Variants in HEATR3 observed in about 807,000 individuals in gnomAD.
HEATR3 encodes HEAT repeat containing 3.
Under a neutral mutation model 72.8 loss-of-function variants are expected in HEATR3, and 56 were observed. The observed-to-expected ratio is 0.77, with a 90% CI of 0.62 to 0.96. The LOEUF is 0.96. Ranked by LOEUF, HEATR3 falls within the 40% of genes least tolerant of loss-of-function variation. The pLI, the probability that HEATR3 is intolerant of heterozygous loss-of-function variation, is 0.00. For synonymous variants in HEATR3, 331 were observed against 318.1 expected (o/e 1.04, Z -0.43); for missense variants, 747 against 831.4 (o/e 0.90, Z 1.25).
intron 11 of HEATR3, among the ~76,000 whole-genome samples, chr16:50,088,192 T>G (rs1282183582): frequency 6.6e-6 from 1 of 152,204 alleles, no homozygotes; most frequent in Non-Finnish European, 1.5e-5. Context: ...TCCATTCAAG[T>G]GTTGGTCCCC....
chr16:50,089,285 G>T (rs1030352131), intron 11 of HEATR3, among the ~76,000 whole-genome samples: 5 of 152,016 alleles, frequency 3.3e-5, no homozygotes, highest in Non-Finnish European at 7.4e-5. Flanking sequence ...TATCCTGAGG[G>T]TCTTGATGAT....
At chr16:50,104,811 A>G in intron 14 of HEATR3, 128 bp from the exon 15 acceptor site, 1 of 767,258 alleles carries the variant, frequency 1.3e-6, no homozygotes, top group Non-Finnish European at 1.9e-6. Context: ...AAGTAAAAAC[A>G]TTTTTTCCAA....
At chr16:50,100,673 C>T (rs1263199743) in intron 13 of HEATR3, 8 of 349,976 alleles carry the variant, frequency 2.3e-5, no homozygotes, top group African/African-American at 1.7e-4. Flanking sequence ...AAGATGCCTT[C>T]TGCCTTTGCT....
In HEATR3 at chr16:50,097,930, A is replaced by AG. The variant is rs1278560954; in HGVS notation, c.1600-2300_1600-2299insG. Among the ~76,000 whole-genome samples the AG allele has an allele frequency of 6.9e-4, 105 of 152,000 alleles. 1 individual carries two copies. The highest frequency in any genetic ancestry group is 2.4e-3 in the African/African-American group (98 of 41,468). Reference sequence around the variant, plus strand: ...AAGAGTGAAACTCCGTCTCAAAAAAAAAAAAAAAAAACCCTGGAATTAGTT... The same window carrying AG: ...AAGAGTGAAACTCCGTCTCAAAAAAAGAAAAAAAAAAACCCTGGAATTAGTT... On this transcript the variant is annotated intron_variant, in intron 12 of 14. Transcript: ENST00000299192.
intron 6 of HEATR3, among the ~76,000 whole-genome samples, chr16:50,075,968 TTATTTATGAACCAG>T (rs1245433770): frequency 6.6e-6 from 1 of 152,180 alleles, no homozygotes; most frequent in Non-Finnish European, 1.5e-5. Flanking sequence ...GGATCCCCAC[TTATTTATGAACCAG>T]TGATTTCAGA....
Position 50,102,280 on chromosome 16 carries a change from G to A in HEATR3, c.1765G>A (p.Glu589Lys). ...CCAGAACATTGGGTGCTTTCTGCTT[G>A]AAGTTACCACCAAAGATCCTTCCCT... Reference protein sequence around the residue: ...TLKNIGCFLLEVTTKDPSLVV... With the variant: ...TLKNIGCFLLKVTTKDPSLVV... The change falls in exon 14 of 15, where the codon GAA becomes AAA. Residue 589 changes from glutamate (E) to lysine (K), a missense_variant. Glu to Lys is a moderately conservative substitution (Grantham distance 56). Coordinates refer to ENST00000299192, the MANE Select transcript of HEATR3 (RefSeq NM_182922.4). The A allele has an allele frequency of 6.2e-7, 1 of 1,613,254 alleles. No individual in the cohort carries two copies. Among genetic ancestry groups the A allele is most frequent in the East Asian group, 2.2e-5 (1 of 44,876 alleles).
intron 14 of HEATR3, among the ~76,000 whole-genome samples, chr16:50,104,531 C>T (rs150932508): frequency 6.6e-6 from 1 of 152,144 alleles, no homozygotes; most frequent in East Asian, 1.9e-4. Context: ...CCCAGCCTAA[C>T]AAAGGAATTT....
chr16:50,095,297 G>A (rs8045375), intron 12 of HEATR3, among the ~76,000 whole-genome samples: 1 of 151,840 alleles, frequency 6.6e-6, no homozygotes, highest in Non-Finnish European at 1.5e-5. Flanking sequence ...TAGTAGAGAC[G>A]GGGTTTTGCC....
chr16:50,104,898 A>G lies in HEATR3; in HGVS notation c.1921-41A>G. On this transcript the variant is annotated intron_variant, in intron 14 of 14. Transcript: ENST00000299192. ...TACTTTATTTAAATGAATTAATCAT[A>G]TCTACCAAGTCATATATGATTTTTT... 2.0e-6 allele frequency: 3 copies of G among 1,514,104 alleles called. No individual in the cohort carries two copies. The South Asian group carries it at 3.8e-5, about 19-fold the overall frequency. 93.8% of individuals were successfully genotyped at this position (1,514,104 alleles called of 1,614,324 possible).
Position 50,083,980 on chromosome 16 carries a change from C to G in HEATR3, c.1085C>G (p.Ala362Gly), listed in dbSNP as rs774997289. Residue 362 changes from alanine to glycine, a missense_variant, in exon 8 of 15, where the codon GCC becomes GGC. Ala to Gly is a moderately conservative substitution (Grantham distance 60). Transcript: ENST00000299192. ...ELRETIALLT[A>G]QQTALEIIVN... ...AGAGAGACTATAGCATTGCTGACAGCCCAACAGACTGCTCTGGAAATTATT... is the reference window on the plus strand; with the variant it reads ...AGAGAGACTATAGCATTGCTGACAGGCCAACAGACTGCTCTGGAAATTATT... 1.2e-5 allele frequency: 20 copies of G among 1,613,656 alleles called. 1 individual carries two copies. The East Asian group carries it at 3.3e-4, about 27-fold the overall frequency.
chr16:50,095,307 C>T (rs1352687411), intron 12 of HEATR3, among the ~76,000 whole-genome samples: 1 of 151,174 alleles, frequency 6.6e-6, no homozygotes, highest in East Asian at 1.9e-4. Context: ...GGGGTTTTGC[C>T]GTGTGGCCAG....
chr16:50,079,169 TTA>T (rs1265354685), intron 7 of HEATR3, 151 bp downstream of exon 7: 5 of 739,710 alleles, frequency 6.8e-6, no homozygotes, highest in Admixed American at 5.9e-5. Flanking sequence ...TTGATTCTCT[TTA>T]TGTCATTAAA....
At chr16:50,075,330 A>AG (rs1555501301) in intron 5 of HEATR3, among the ~76,000 whole-genome samples, 2 of 151,446 alleles carry the variant, frequency 1.3e-5, no homozygotes, top group Non-Finnish European at 2.9e-5. Context: ...AAAAAAAAAA[A>AG]GTATAGATCT....
intron 7 of HEATR3, chr16:50,080,173 G>A (rs1319788151): frequency 1.3e-5 from 2 of 152,144 alleles, no homozygotes; most frequent in East Asian, 3.9e-4. Context: ...GCTTACCTGT[G>A]TTCGTGATGT....
intron 2 of HEATR3, among the ~76,000 whole-genome samples, chr16:50,067,741 C>T (rs2036530653): frequency 6.6e-6 from 1 of 152,144 alleles, no homozygotes; most frequent in South Asian, 2.1e-4. Context: ...ACAGCTCTGT[C>T]TCTGTTTGTT....
intron 3 of HEATR3, among the ~76,000 whole-genome samples, chr16:50,069,909 G>C (rs1476577372): frequency 1.3e-5 from 2 of 152,186 alleles, no homozygotes; most frequent in African/African-American, 4.8e-5. Flanking sequence ...AAAATGCTTA[G>C]AATAGTACTT....
intron 11 of HEATR3, among the ~76,000 whole-genome samples, chr16:50,087,758 T>C (rs994823252): frequency 6.6e-6 from 1 of 152,152 alleles, no homozygotes; most frequent in Non-Finnish European, 1.5e-5. Flanking sequence ...ATAATTCCAT[T>C]GTGTTATATT....
At chr16:50,081,931 A>G (rs1757382716) in intron 7 of HEATR3, among the ~76,000 whole-genome samples, 1 of 152,206 alleles carries the variant, frequency 6.6e-6, no homozygotes, top group African/African-American at 2.4e-5. Flanking sequence ...CTCAGATGTC[A>G]TAACATTTCG....
chr16:50,104,897 T>C (rs775504336), intron 14 of HEATR3, 42 bp from the exon 15 acceptor site: 1 of 1,513,142 alleles, frequency 6.6e-7, no homozygotes, highest in Non-Finnish European at 8.9e-7. Flanking sequence ...GAATTAATCA[T>C]ATCTACCAAG....
Sources: gnomAD v4.1 joint callset for allele counts (sites outside exome capture counted in the v4.1 genomes callset) on GRCh38, gnomAD v4.1.1 for gene constraint, MANE v1.5 for transcripts, NCBI Gene and HGNC (gene_info 2026-07-23, HGNC 2026-07-21) for gene names.